PLD5: variants seen among roughly 807,000 people sequenced by gnomAD.
PLD5 encodes phospholipase D family member 5, also known as inactive phospholipase D5.
Under a neutral mutation model 61.1 loss-of-function variants are expected in PLD5, and 36 were observed. The observed-to-expected ratio is 0.59, with a 90% CI of 0.45 to 0.78. The LOEUF is 0.78. Among genes scored for constraint, PLD5 ranks in the 30% least tolerant of loss-of-function variants. PLD5 has a pLI of 0.00. For missense variants in PLD5, 515 were observed against 644.4 expected, an observed-to-expected ratio of 0.80 and a Z score of 2.17; for synonymous variants, 243 against 242.8, an observed-to-expected ratio of 1.00 and a Z score of -0.01.
At chr1:242,187,590 A>G (rs1025728055) in intron 5 of PLD5, among the ~76,000 whole-genome samples, 4 of 152,256 alleles carry the variant, frequency 2.6e-5, no homozygotes, top group Admixed American at 2.6e-4. Context: ...TCTGGAAGGC[A>G]TATTTAATGC....
intron 3 of PLD5, among the ~76,000 whole-genome samples, chr1:242,276,964 A>C (rs2149121469): frequency 6.6e-6 from 1 of 152,266 alleles, no homozygotes; most frequent in East Asian, 1.9e-4. Flanking sequence ...AGAGAGATGA[A>C]TATGCTCATC....
At chr1:242,386,441 C>A in intron 1 of PLD5, among the ~76,000 whole-genome samples, 1 of 152,196 alleles carries the variant, frequency 6.6e-6, no homozygotes, top group East Asian at 1.9e-4. Context: ...ATGTGACGCA[C>A]TGAGAAGTAC....
chr1:242,170,299 G>T (rs1666654082), intron 5 of PLD5, among the ~76,000 whole-genome samples: 1 of 152,190 alleles, frequency 6.6e-6, no homozygotes, highest in Non-Finnish European at 1.5e-5. Flanking sequence ...AACAGGGTCT[G>T]GAGTGGACCG....
At chr1:242,123,681 A>G (rs550713984) in intron 6 of PLD5, among the ~76,000 whole-genome samples, 1 of 152,334 alleles carries the variant, frequency 6.6e-6, no homozygotes, top group East Asian at 1.9e-4. Flanking sequence ...GCCGAAAATC[A>G]ATTGTTTTTT....
intron 2 of PLD5, among the ~76,000 whole-genome samples, chr1:242,345,892 C>T (rs1368523872): frequency 2.0e-5 from 3 of 151,444 alleles, no homozygotes; most frequent in Non-Finnish European, 2.9e-5. Context: ...ATACCAGTTC[C>T]AGGACAGACA....
intron 1 of PLD5, among the ~76,000 whole-genome samples, chr1:242,370,764 T>A (rs1661590011): frequency 6.6e-6 from 1 of 152,012 alleles, no homozygotes; most frequent in South Asian, 2.1e-4. Context: ...ATGTTCTCTA[T>A]CCCCCTCCCC....
intron 2 of PLD5, among the ~76,000 whole-genome samples, chr1:242,299,626 A>G (rs566298589): frequency 1.6e-4 from 24 of 152,224 alleles, no homozygotes. Flanking sequence ...TTTCCCCCCA[A>G]GTCATGAATG....
rs147438256 is a variant in PLD5 at position 242,425,467 on chromosome 1, G to A, written c.190-77225C>T. Among the ~76,000 whole-genome samples the A allele has an allele frequency of 9.9e-5, 15 of 152,248 alleles. No individual in the cohort carries two copies. The East Asian group carries it at 2.9e-3, about 29-fold the overall frequency. ...CGCATACAATAAATGGAGCTTGCAG[G>A]ACCGGAAGTTGCTCTGGGTGAGTCA... On this transcript the variant is annotated intron_variant, in intron 1 of 9. Transcript: ENST00000536534.
chr1:242,502,626 T>A (rs1452232012), intron 1 of PLD5, among the ~76,000 whole-genome samples: 1 of 152,096 alleles, frequency 6.6e-6, no homozygotes, highest in Non-Finnish European at 1.5e-5. Flanking sequence ...TATTTACATG[T>A]TTATGGGTGC....
At chr1:242,479,195 G>A (rs541447081) in intron 1 of PLD5, among the ~76,000 whole-genome samples, 1 of 152,214 alleles carries the variant, frequency 6.6e-6, no homozygotes, top group African/African-American at 2.4e-5. Context: ...CAGGAAATGA[G>A]GTAAGGAATG....
chr1:242,284,772 C>A (rs1196847731), intron 3 of PLD5, among the ~76,000 whole-genome samples: 1 of 152,214 alleles, frequency 6.6e-6, no homozygotes, highest in African/African-American at 2.4e-5. Flanking sequence ...TGCTTCCCCA[C>A]AGGACATGGC....
At chr1:242,214,574 G>A (rs558688584) in intron 5 of PLD5, among the ~76,000 whole-genome samples, 1 of 152,274 alleles carries the variant, frequency 6.6e-6, no homozygotes, top group South Asian at 2.1e-4. Flanking sequence ...ACTAAGCCAT[G>A]CAATTGCATC....
chr1:242,249,536 G>A (rs1164849161), intron 4 of PLD5, among the ~76,000 whole-genome samples: 1 of 152,178 alleles, frequency 6.6e-6, no homozygotes, highest in Non-Finnish European at 1.5e-5. Flanking sequence ...AAACAACCAG[G>A]GGGTAGTGAA....
intron 7 of PLD5, among the ~76,000 whole-genome samples, chr1:242,112,249 G>A (rs549126109): frequency 7.9e-5 from 12 of 151,488 alleles, no homozygotes; most frequent in African/African-American, 1.2e-4. Context: ...GGAAGTGTGC[G>A]GTGAAAAAAA....
chr1:242,508,569 C>A (rs1318650864), intron 1 of PLD5, among the ~76,000 whole-genome samples: 2 of 152,168 alleles, frequency 1.3e-5, no homozygotes, highest in African/African-American at 2.4e-5. Flanking sequence ...AAGGTCAGTA[C>A]ATTCACCATT....
chr1:242,361,651 G>T (rs1407448358), intron 1 of PLD5, among the ~76,000 whole-genome samples: 7 of 152,138 alleles, frequency 4.6e-5, no homozygotes, highest in Non-Finnish European at 8.8e-5. Context: ...CATATGAAAA[G>T]AATTGCTTTC....
At chr1:242,280,989 G>T (rs994496356) in intron 3 of PLD5, among the ~76,000 whole-genome samples, 1 of 152,190 alleles carries the variant, frequency 6.6e-6, no homozygotes, top group East Asian at 1.9e-4. Context: ...GAAAGGACAA[G>T]TAGGCTTAGA....
At chr1:242,440,222 C>A (rs536756497) in intron 1 of PLD5, among the ~76,000 whole-genome samples, 1 of 152,222 alleles carries the variant, frequency 6.6e-6, no homozygotes, top group African/African-American at 2.4e-5. Flanking sequence ...TATTTCTATT[C>A]ATCCATTTTT....
At chr1:242,244,823 T>C (rs1475454401) in intron 4 of PLD5, among the ~76,000 whole-genome samples, 2 of 152,214 alleles carry the variant, frequency 1.3e-5, no homozygotes, top group Non-Finnish European at 2.9e-5. Flanking sequence ...AAAGCTATCT[T>C]TTTCTAAGCA....
Sources: allele counts gnomAD v4.1 joint callset (sites outside exome capture counted in the v4.1 genomes callset), GRCh38; gene constraint gnomAD v4.1.1; transcripts MANE v1.5; gene names NCBI Gene and HGNC (gene_info 2026-07-23, HGNC 2026-07-21).